PBX1: variants seen among roughly 807,000 people sequenced by gnomAD.
PBX1 encodes pre-B-cell leukemia transcription factor 1.
A neutral mutation model predicts 53.4 loss-of-function variants in PBX1; 6 were observed. That is an observed-to-expected ratio of 0.11 (90% CI 0.06 to 0.22). The LOEUF is 0.22. PBX1 is among the 10% of genes least tolerant of loss of function. The pLI, the probability that PBX1 is intolerant of heterozygous loss-of-function variation, is 1.00. For synonymous variants in PBX1, 204 were observed against 212.3 expected, an observed-to-expected ratio of 0.96 and a Z score of 0.34; for missense variants, 251 against 551.4, an observed-to-expected ratio of 0.46 and a Z score of 5.46.
rs112232713 is a variant in PBX1, at chr1:164,573,082, A to G, written c.265+9771A>G. On this transcript the variant is annotated intron_variant, in intron 2 of 8. Coordinates refer to ENST00000420696, the MANE Select transcript of PBX1 (RefSeq NM_002585.4). ...TTTCAGTGAACACCTGTAATTTTAA[A>G]TTTAATGATTTACATTTTCTAGTAG... is the stretch of plus-strand genomic sequence containing the variant. 4.0e-4 allele frequency among the ~76,000 whole-genome samples: 61 copies of G among 152,290 alleles called. 1 individual carries two copies. The highest frequency in any genetic ancestry group is 1.5e-3 in the African/African-American group (61 of 41,558).
chr1:164,709,861 C>T (rs77908766), intron 2 of PBX1, among the ~76,000 whole-genome samples: 3 of 152,150 alleles, frequency 2.0e-5, no homozygotes, highest in South Asian at 2.1e-4. Flanking sequence ...GAAGTCGTCT[C>T]GGGTCCGGAG....
intron 2 of PBX1, chr1:164,682,566 A>G (rs1363056400): frequency 6.6e-6 from 1 of 152,028 alleles, no homozygotes; most frequent in Non-Finnish European, 1.5e-5. Flanking sequence ...TTAACTCTTA[A>G]CTGTACCCAT....
intron 2 of PBX1, among the ~76,000 whole-genome samples, chr1:164,792,081 T>C (rs1380168592): frequency 6.6e-6 from 1 of 152,104 alleles, no homozygotes; most frequent in Non-Finnish European, 1.5e-5. Context: ...CCACTCAGCC[T>C]CCCAAAGTGC....
Position 164,792,614 on chromosome 1 carries a change from C to T in PBX1, c.386C>T (p.Ala129Val). Reference sequence around the variant, plus strand: ...GAGAAGGGCGGAGGGTCGGCGGCAGCGGCGGCAGCGGCGGCGGCTTCTGGA... The same window carrying T: ...GAGAAGGGCGGAGGGTCGGCGGCAGTGGCGGCAGCGGCGGCGGCTTCTGGA... The part of the protein sequence containing the change: ...GPEKGGGSAA[A>V]AAAAAASGGA... Residue 129 changes from alanine (A) to valine (V), a missense_variant, in exon 3 of 9, where the codon GCG becomes GTG. Physicochemically the swap from Ala to Val is moderately conservative, Grantham distance 64. Around this residue, in one of 4 missense-constraint regions of PBX1, gnomAD observed 76 missense variants for 197.5 expected, o/e 0.38. Coordinates refer to ENST00000420696, the MANE Select transcript of PBX1 (RefSeq NM_002585.4). 6.2e-7 allele frequency: 1 copy of T among 1,613,304 alleles called. No homozygotes were observed. The highest frequency in any genetic ancestry group is 1.7e-5 in the Admixed American group (1 of 59,976).
chr1:164,696,140 G>T (rs781686618), intron 2 of PBX1, among the ~76,000 whole-genome samples: 3 of 152,108 alleles, frequency 2.0e-5, no homozygotes, highest in Non-Finnish European at 4.4e-5. Context: ...CTTCTCATCT[G>T]GTAAAAATGT....
rs572515917 is a variant in PBX1 at position 164,565,641 on chromosome 1, C to T, written c.265+2330C>T. 4.6e-5 allele frequency among the ~76,000 whole-genome samples: 7 copies of T among 152,212 alleles called. No individual in the cohort carries two copies. In the South Asian group the frequency reaches 1.2e-3, roughly 27 times the overall value. On this transcript the variant is annotated intron_variant, in intron 2 of 8. Transcript: ENST00000420696. ...TGAAAAGAACCCTTTGATTCTAAAGCACGATTACTTGGCTACTCAAGACCC... is the reference window on the plus strand; with the variant it reads ...TGAAAAGAACCCTTTGATTCTAAAGTACGATTACTTGGCTACTCAAGACCC...
chr1:164,778,601 C>T (rs1303631364), intron 2 of PBX1, among the ~76,000 whole-genome samples: 1 of 150,636 alleles, frequency 6.6e-6, no homozygotes, highest in Non-Finnish European at 1.5e-5. Flanking sequence ...TGCACCACTG[C>T]ACTCCAGCCT....
intron 2 of PBX1, among the ~76,000 whole-genome samples, chr1:164,601,235 CAAAAA>C (rs746798555): frequency 0.015 from 510 of 33,966 alleles, 5 homozygotes; most frequent in African/African-American, 0.043. Context: ...GATTCTGTCT[CAAAAA>C]AAAAAAAAAA....
Position 164,673,465 on chromosome 1 carries a change from C to CTTTTTTTTTTT in PBX1, c.265+110167_265+110177dup, listed in dbSNP as rs1171916726. Among the ~76,000 whole-genome samples, 13 of 109,404 alleles carry CTTTTTTTTTTT rather than the reference C, an allele frequency of 1.2e-4. 1 individual carries two copies. The highest frequency in any genetic ancestry group is 4.0e-4 in the African/African-American group (10 of 25,312). The allele number at this position is 109,404 out of a possible 152,430, so 71.8% of individuals were successfully genotyped here. The stretch of plus-strand genomic sequence containing the variant: ...TTTTTTTCTTCTGGAAAATTACTAA[C>CTTTTTTTTTTT]TTTTTTTTTTTTTTTTTTTTTTTGA... On this transcript the variant is annotated intron_variant, in intron 2 of 8. Coordinates refer to ENST00000420696, the MANE Select transcript of PBX1 (RefSeq NM_002585.4).
At chr1:164,712,462 T>C (rs77603982) in intron 2 of PBX1, among the ~76,000 whole-genome samples, 1 of 152,200 alleles carries the variant, frequency 6.6e-6, no homozygotes, top group African/African-American at 2.4e-5. Flanking sequence ...TCGGGAGAGA[T>C]AGGCCAAAAT....
chr1:164,622,140 AG>A (rs1657720932), intron 2 of PBX1, among the ~76,000 whole-genome samples: 1 of 152,110 alleles, frequency 6.6e-6, no homozygotes, highest in Non-Finnish European at 1.5e-5. Context: ...TGGGCCCAGG[AG>A]GCAAGGCTAG....
chr1:164,632,445 A>G (rs1658469810), intron 2 of PBX1, among the ~76,000 whole-genome samples: 1 of 152,280 alleles, frequency 6.6e-6, no homozygotes, highest in South Asian at 2.1e-4. Context: ...GAGCTGGCAC[A>G]CCTGTCCTTA....
Position 164,848,100 on chromosome 1 carries a change from G to T in PBX1, c.*1424G>T, listed in dbSNP as rs1671660076. The T allele has an allele frequency of 3.8e-6, 4 of 1,052,252 alleles. No homozygotes were observed. The South Asian group carries it at 1.8e-4, about 48-fold the overall frequency. The allele number at this position is 1,052,252 out of a possible 1,614,324, so 65.2% of individuals were successfully genotyped here. A position where few individuals can be genotyped will look rare whatever the true frequency, so the allele number is the denominator to read the frequency against. Reference sequence around the variant, plus strand: ...ACGTGGCTCATGTGAACTTTTGCTAGCTTCATTTGAGGACCTGAGAATCAT... The same window carrying T: ...ACGTGGCTCATGTGAACTTTTGCTATCTTCATTTGAGGACCTGAGAATCAT... On this transcript the variant is annotated 3_prime_UTR_variant, in exon 9 of 9. Coordinates refer to ENST00000420696, the MANE Select transcript of PBX1 (RefSeq NM_002585.4).
At chr1:164,794,817 T>G (rs529918409) in intron 3 of PBX1, among the ~76,000 whole-genome samples, 74 of 152,330 alleles carry the variant, frequency 4.9e-4, no homozygotes, top group African/African-American at 1.7e-3. Flanking sequence ...AGATTTGTCC[T>G]CCAGGTTAAC....
At chr1:164,714,319 A>T (rs1663967293) in intron 2 of PBX1, among the ~76,000 whole-genome samples, 1 of 152,226 alleles carries the variant, frequency 6.6e-6, no homozygotes, top group South Asian at 2.1e-4. Context: ...ACCTTTAATT[A>T]AGAGTTCTTT....
At chr1:164,879,543 A>G (rs761241861) in intron 2 of PBX1, among the ~76,000 whole-genome samples, 9 of 152,190 alleles carry the variant, frequency 5.9e-5, no homozygotes, top group Non-Finnish European at 8.8e-5. Context: ...TCCAACAGGC[A>G]GTTGTGTTTG....
intron 2 of PBX1, among the ~76,000 whole-genome samples, chr1:164,585,806 T>C (rs1433482847): frequency 6.6e-6 from 1 of 152,206 alleles, no homozygotes; most frequent in Non-Finnish European, 1.5e-5. Context: ...GCATTTTGGG[T>C]TGTAAACTTT....
chr1:164,860,994 G>C (rs995164234), intron 2 of PBX1, among the ~76,000 whole-genome samples: 5 of 150,432 alleles, frequency 3.3e-5, no homozygotes, highest in African/African-American at 1.2e-4. Flanking sequence ...CATGGTGTAG[G>C]AGGAGGTGGA....
At chr1:164,857,560 G>A (rs542592363) in intron 2 of PBX1, among the ~76,000 whole-genome samples, 2 of 152,204 alleles carry the variant, frequency 1.3e-5, no homozygotes, top group South Asian at 2.1e-4. Flanking sequence ...GGGGCTGAAA[G>A]TTCTAACCTT....
Sources: allele counts gnomAD v4.1 joint callset (sites outside exome capture counted in the v4.1 genomes callset), GRCh38; gene constraint gnomAD v4.1.1; regional missense constraint gnomAD v4.1.1; transcripts MANE v1.5; gene names NCBI Gene and HGNC (gene_info 2026-07-23, HGNC 2026-07-21).